STK26: variants seen among roughly 807,000 people sequenced by gnomAD.
STK26 encodes the protein serine/threonine kinase 26, also known as serine/threonine-protein kinase 26.
A neutral mutation model predicts 34.7 loss-of-function variants in STK26; 14 were observed. The ratio of observed to expected loss-of-function variants is 0.40; its 90% confidence interval spans 0.27 to 0.63. STK26 has a LOEUF of 0.63. STK26 is among the 30% of genes least tolerant of loss of function. STK26 has a pLI of 0.38. For missense variants in STK26, 226 were observed against 309.1 expected, an observed-to-expected ratio of 0.73 and a Z score of 2.02; for synonymous variants, 100 against 109.8, an observed-to-expected ratio of 0.91 and a Z score of 0.56.
chrX:132,024,764 T>C (rs1295892408), intron 2 of STK26, among the ~76,000 whole-genome samples: 1 of 110,008 alleles, frequency 9.1e-6, no homozygotes, highest in Non-Finnish European at 1.9e-5. Context: ...TTTTTTTTTT[T>C]TTCAGTGTTC....
intron 2 of STK26, among the ~76,000 whole-genome samples, chrX:132,025,994 T>C (rs1935092214): frequency 8.9e-6 from 1 of 112,070 alleles, no homozygotes; most frequent in Non-Finnish European, 1.9e-5. Context: ...AATTACTGTA[T>C]AGTGTTTCCA....
chrX:132,056,907 G>A (rs891418637), intron 3 of STK26, among the ~76,000 whole-genome samples: 4 of 111,999 alleles, frequency 3.6e-5, no homozygotes, highest in African/African-American at 1.3e-4. Flanking sequence ...AAGTGTCTGA[G>A]CTGTGGGTGG....
At chrX:132,069,438 T>G in intron 6 of STK26, 40 bp from the exon 7 acceptor site, 1 of 169,465 alleles carries the variant, frequency 5.9e-6, no homozygotes, top group Non-Finnish European at 1.0e-5. Context: ...TATATATATA[T>G]ATATATATAT....
At chrX:132,052,116 C>A (rs1310463581) in intron 2 of STK26, among the ~76,000 whole-genome samples, 1 of 110,546 alleles carries the variant, frequency 9.0e-6, no homozygotes, top group Admixed American at 9.7e-5. Flanking sequence ...AAACTAGATT[C>A]TTTGTTTAGG....
At chrX:132,050,584 A>G (rs1926652567) in intron 2 of STK26, among the ~76,000 whole-genome samples, 1 of 112,035 alleles carries the variant, frequency 8.9e-6, no homozygotes. Context: ...TGTTTGGTTG[A>G]AAATAAATTC....
chrX:132,034,780 G>A (rs946380601), intron 2 of STK26, among the ~76,000 whole-genome samples: 1 of 111,239 alleles, frequency 9.0e-6, no homozygotes, highest in African/African-American at 3.3e-5. Context: ...TTTAATCTAG[G>A]GCAGTGATGG....
chrX:132,069,408 CACATATATATATATATAT>C (rs1335224591), intron 6 of STK26, 52 bp from the exon 7 acceptor site: 4 of 124,326 alleles, frequency 3.2e-5, no homozygotes, highest in Non-Finnish European at 3.6e-5. Context: ...TACATACATA[CACATATATATATATATAT>C]ATATATATAT....
At position 132,074,185 on chromosome X, in the gene STK26, A is replaced by G. The variant is rs779450166; in HGVS notation, c.*26A>G. On this transcript the variant is annotated 3_prime_UTR_variant, in exon 12 of 12. Transcript: ENST00000394334. ...GAAACTTATTATTGGCTTCTGTTTCATATGGACCCAGAGAGCCCCACCAAA... is the reference window on the plus strand; with the variant it reads ...GAAACTTATTATTGGCTTCTGTTTCGTATGGACCCAGAGAGCCCCACCAAA... 8.4e-7 allele frequency: 1 copy of G among 1,196,694 alleles called. No individual in the cohort carries two copies. Among genetic ancestry groups the G allele is most frequent in the Admixed American group, 2.2e-5 (1 of 45,095 alleles).
intron 3 of STK26, among the ~76,000 whole-genome samples, chrX:132,062,383 A>G (rs1380700098): frequency 1.8e-5 from 2 of 112,352 alleles, no homozygotes; most frequent in Non-Finnish European, 3.8e-5. Context: ...GTGTGTGTGT[A>G]CACCTGTTTT....
intron 4 of STK26, among the ~76,000 whole-genome samples, chrX:132,067,087 G>A (rs1569335748): frequency 8.9e-6 from 1 of 111,803 alleles, no homozygotes; most frequent in African/African-American, 3.3e-5. Context: ...TGTTACCTAG[G>A]AAAGGGACCT....
chrX:132,057,750 A>G (rs1012251050), intron 3 of STK26, among the ~76,000 whole-genome samples: 5 of 112,134 alleles, frequency 4.5e-5, no homozygotes, highest in Admixed American at 2.8e-4. Flanking sequence ...GTATGAATGC[A>G]TAGTAGAATG....
chrX:132,041,678 T>C (rs898470718), intron 2 of STK26, among the ~76,000 whole-genome samples: 3 of 111,039 alleles, frequency 2.7e-5, no homozygotes, highest in African/African-American at 9.8e-5. Context: ...AAGTGTTTCA[T>C]AAGGGTCACT....
At chrX:132,072,588 T>C (rs1927450933) in intron 9 of STK26, among the ~76,000 whole-genome samples, 1 of 111,503 alleles carries the variant, frequency 9.0e-6, no homozygotes, top group African/African-American at 3.3e-5. Flanking sequence ...CACCTGGAGA[T>C]ACATAAGCCC....
At chrX:132,046,738 G>A (rs1200602267) in intron 2 of STK26, among the ~76,000 whole-genome samples, 1 of 111,275 alleles carries the variant, frequency 9.0e-6, no homozygotes, top group Non-Finnish European at 1.9e-5. Context: ...TAAGTAGGTG[G>A]GTAAAGATAA....
At chrX:132,026,890 G>A (rs1294254540) in intron 2 of STK26, among the ~76,000 whole-genome samples, 1 of 112,199 alleles carries the variant, frequency 8.9e-6, no homozygotes, top group African/African-American at 3.2e-5. Context: ...GAAGTTTAAC[G>A]ATTAATGATC....
At chrX:132,033,958 A>T (rs1925933885) in intron 2 of STK26, among the ~76,000 whole-genome samples, 1 of 109,377 alleles carries the variant, frequency 9.1e-6, no homozygotes, top group African/African-American at 3.3e-5. Flanking sequence ...TTTATAGAAT[A>T]CCTTTCTGCT....
chrX:132,023,670 G>T lies in STK26; in HGVS notation c.42+11G>T. ...GTGCCTGGGATGCAGGTGAGGAAGC[G>T]CAGGCCGCCCCCGCCGCCCACGTGA... On this transcript the variant is annotated intron_variant, in intron 2 of 11. Coordinates refer to ENST00000394334, the MANE Select transcript of STK26 (RefSeq NM_016542.4). 8.5e-7 allele frequency: 1 copy of T among 1,176,963 alleles called. No individual in the cohort carries two copies. Among genetic ancestry groups the T allele is most frequent in the Non-Finnish European group, 1.1e-6 (1 of 878,391 alleles).
intron 2 of STK26, among the ~76,000 whole-genome samples, chrX:132,047,767 A>G (rs1160456467): frequency 1.8e-5 from 2 of 112,184 alleles, no homozygotes; most frequent in African/African-American, 3.2e-5. Flanking sequence ...AATCAATTGC[A>G]TAGTGGTTCA....
At position 132,074,423 on chromosome X, in the gene STK26, T is replaced by A. The variant is rs983924529; in HGVS notation, c.*264T>A. ...TGAGACACCGTTTTGCTTTTAAGTA[T>A]CCCTATTTCTTAAGTTACGAGGATG... On this transcript the variant is annotated 3_prime_UTR_variant, in exon 12 of 12. Transcript: ENST00000394334. The A allele has an allele frequency of 3.7e-6, 1 of 267,474 alleles. No individual in the cohort carries two copies. The highest frequency in any genetic ancestry group is 2.8e-5 in the African/African-American group (1 of 35,653). 22.0% of individuals were successfully genotyped at this position (267,474 alleles called of 1,213,427 possible). A position where few individuals can be genotyped will look rare whatever the true frequency, so the allele number is the denominator to read the frequency against.
Sources: gnomAD v4.1 joint callset for allele counts (sites outside exome capture counted in the v4.1 genomes callset) on GRCh38, gnomAD v4.1.1 for gene constraint, MANE v1.5 for transcripts, NCBI Gene and HGNC (gene_info 2026-07-23, HGNC 2026-07-21) for gene names.